The following FNDC3A variants were observed in gnomAD, a reference collection of about 807,000 sequenced individuals.
FNDC3A encodes the protein fibronectin type III domain containing 3A.
In FNDC3A, 32 loss-of-function variants were observed where a neutral mutation model predicts 148.9. The observed-to-expected ratio is 0.21, with a 90% CI of 0.16 to 0.29. The LOEUF is 0.29. FNDC3A is among the 10% of genes least tolerant of loss of function. The pLI, the probability that FNDC3A is intolerant of heterozygous loss-of-function variation, is 1.00. For missense variants in FNDC3A, 1,191 were observed against 1,452.8 expected, an observed-to-expected ratio of 0.82 and a Z score of 2.93; for synonymous variants, 472 against 473.6, an observed-to-expected ratio of 1.00 and a Z score of 0.04.
intron 2 of FNDC3A, among the ~76,000 whole-genome samples, chr13:49,033,408 A>G (rs1874271139): frequency 6.6e-6 from 1 of 152,122 alleles, no homozygotes. Context: ...TACCTTTAAC[A>G]TCCTGTCTCT....
chr13:49,110,758 C>A (rs1880511883), intron 3 of FNDC3A, among the ~76,000 whole-genome samples: 1 of 152,038 alleles, frequency 6.6e-6, no homozygotes, highest in African/African-American at 2.4e-5. Flanking sequence ...AACTCCTGGA[C>A]AAATTTGTAA....
intron 3 of FNDC3A, among the ~76,000 whole-genome samples, chr13:49,086,031 T>G (rs1878788500): frequency 1.3e-5 from 2 of 152,116 alleles, no homozygotes; most frequent in South Asian, 4.1e-4. Flanking sequence ...TACAGGCACT[T>G]GCCATCATGC....
intron 8 of FNDC3A, among the ~76,000 whole-genome samples, chr13:49,158,131 C>T (rs893027250): frequency 1.8e-4 from 27 of 152,338 alleles, no homozygotes; most frequent in Middle Eastern, 3.4e-3. Flanking sequence ...TCGCTGTCGC[C>T]TTGCAGTTTG....
intron 2 of FNDC3A, chr13:49,046,794 CTTTGTGGAATGTA>C (rs911488221): frequency 6.6e-6 from 1 of 152,060 alleles, no homozygotes; most frequent in Admixed American, 6.5e-5. Context: ...AGTCTTCCGC[CTTTGTGGAATGTA>C]AACCAAAAAG....
intron 3 of FNDC3A, among the ~76,000 whole-genome samples, chr13:49,105,025 G>A (rs1287376815): frequency 6.6e-6 from 1 of 152,086 alleles, no homozygotes; most frequent in African/African-American, 2.4e-5. Flanking sequence ...GAGTATATTT[G>A]CAACCAATGT....
intron 2 of FNDC3A, among the ~76,000 whole-genome samples, chr13:49,073,809 TTA>T (rs890261128): frequency 1.4e-4 from 20 of 146,504 alleles, no homozygotes; most frequent in African/African-American, 4.5e-4. Flanking sequence ...TGTATATATA[TTA>T]TATATGTGTA....
intron 2 of FNDC3A, among the ~76,000 whole-genome samples, chr13:49,007,441 A>G (rs931574770): frequency 6.6e-6 from 1 of 152,138 alleles, no homozygotes; most frequent in Admixed American, 6.5e-5. Flanking sequence ...TGTGGCAGGT[A>G]TTCATTTACT....
intron 11 of FNDC3A, 137 bp downstream of exon 11, chr13:49,172,233 T>A: frequency 2.0e-6 from 1 of 501,010 alleles, no homozygotes. Flanking sequence ...GGTGCATGAG[T>A]GGATTGATGG....
At chr13:48,988,495 T>TA (rs1951847133) in intron 1 of FNDC3A, among the ~76,000 whole-genome samples, 1 of 152,222 alleles carries the variant, frequency 6.6e-6, no homozygotes, top group Middle Eastern at 3.2e-3. Context: ...CTCCAGAATC[T>TA]AAATTGCATA....
chr13:49,069,373 C>T (rs1021871896), intron 2 of FNDC3A, among the ~76,000 whole-genome samples: 3 of 152,164 alleles, frequency 2.0e-5, no homozygotes, highest in Non-Finnish European at 2.9e-5. Context: ...CCCTTCATAA[C>T]CTGGTTCCTA....
chr13:48,978,030 A>G (rs1951634054), intron 1 of FNDC3A, among the ~76,000 whole-genome samples: 1 of 152,128 alleles, frequency 6.6e-6, no homozygotes, highest in Non-Finnish European at 1.5e-5. Context: ...TGTCAAGCAT[A>G]GTTATAAGGG....
rs180707691 is a variant in FNDC3A at position 48,990,219 on chromosome 13, A to G, written c.-40+14042A>G. The stretch of plus-strand genomic sequence containing the variant: ...CTTTTTACCCAAACTGTCTTTCAAA[A>G]TAAAGGCAAAATAAAGATTTCAAAT... On this transcript the variant is annotated intron_variant, in intron 1 of 25. Coordinates refer to ENST00000492622, the MANE Select transcript of FNDC3A (RefSeq NM_001079673.2). 3.9e-4 allele frequency among the ~76,000 whole-genome samples: 60 copies of G among 152,240 alleles called. No homozygotes were observed. The East Asian group carries it at 0.011, about 28-fold the overall frequency.
At chr13:49,094,059 T>C (rs1251987388) in intron 3 of FNDC3A, among the ~76,000 whole-genome samples, 4 of 152,122 alleles carry the variant, frequency 2.6e-5, no homozygotes, top group Non-Finnish European at 5.9e-5. Context: ...GTATGAGAGT[T>C]TGAAAAAGGC....
At chr13:49,068,611 C>G (rs1339059148) in intron 2 of FNDC3A, among the ~76,000 whole-genome samples, 1 of 152,134 alleles carries the variant, frequency 6.6e-6, no homozygotes, top group East Asian at 1.9e-4. Flanking sequence ...TGCATCCATT[C>G]ATTGCCACAC....
intron 7 of FNDC3A, among the ~76,000 whole-genome samples, chr13:49,145,275 T>G (rs1882928375): frequency 6.6e-6 from 1 of 152,206 alleles, no homozygotes; most frequent in Non-Finnish European, 1.5e-5. Context: ...TAGTATTAGC[T>G]TTTTAATCTT....
chr13:49,198,483 A>C lies in FNDC3A; in HGVS notation c.2896A>C (p.Asn966His). ...GGAATGTGTTGCCTTTAGCCACCAG[A>C]ACCTTAAGCTGAAATGGGGAGAAGG... ...RLECVAFSHQ[N>H]LKLKWGEGTP... The change falls in exon 23 of 26, where the codon AAC becomes CAC. Residue 966 changes from asparagine (N) to histidine (H), a missense_variant. By Grantham distance (68) the Asn-to-His change is moderately conservative. Coordinates refer to ENST00000492622, the MANE Select transcript of FNDC3A (RefSeq NM_001079673.2). The C allele has an allele frequency of 1.2e-6, 2 of 1,614,198 alleles. No individual in the cohort carries two copies. The highest frequency in any genetic ancestry group is 2.2e-5 in the East Asian group (1 of 44,882).
intron 2 of FNDC3A, among the ~76,000 whole-genome samples, chr13:49,065,608 A>G (rs1392011342): frequency 1.3e-5 from 2 of 152,138 alleles, no homozygotes; most frequent in African/African-American, 4.8e-5. Context: ...GTCTAGTAAG[A>G]TGTTGTGTTT....
intron 19 of FNDC3A, among the ~76,000 whole-genome samples, chr13:49,192,612 T>C (rs1216006957): frequency 1.3e-5 from 2 of 152,146 alleles, no homozygotes; most frequent in Non-Finnish European, 2.9e-5. Context: ...TTCTTATATG[T>C]CAAATTTATA....
chr13:49,120,659 A>T (rs985536513), intron 4 of FNDC3A, among the ~76,000 whole-genome samples: 1 of 151,718 alleles, frequency 6.6e-6, no homozygotes, highest in Non-Finnish European at 1.5e-5. Context: ...TACCAAGCAA[A>T]TGGAAAGCAA....
Sources: gnomAD v4.1 joint callset for allele counts (sites outside exome capture counted in the v4.1 genomes callset) on GRCh38, gnomAD v4.1.1 for gene constraint, MANE v1.5 for transcripts, NCBI Gene and HGNC (gene_info 2026-07-23, HGNC 2026-07-21) for gene names.